ACAP2: variants seen among roughly 807,000 people sequenced by gnomAD.
ACAP2 encodes the protein ArfGAP with coiled-coil, ankyrin repeat and PH domains 2.
A neutral mutation model predicts 115.8 loss-of-function variants in ACAP2; 39 were observed. That is an observed-to-expected ratio of 0.34 (90% CI 0.26 to 0.44). ACAP2 has a LOEUF of 0.44. Ranked by LOEUF, ACAP2 falls within the 20% of genes least tolerant of loss-of-function variation. The pLI is 1.00. For synonymous variants in ACAP2, 289 were observed against 315.8 expected (o/e 0.92, Z 0.90); for missense variants, 662 against 927.6 (o/e 0.71, Z 3.72).
At chr3:195,289,289 C>T (rs1727077945) in intron 20 of ACAP2, 58 bp from the exon 21 acceptor site, 2 of 1,204,156 alleles carry the variant, frequency 1.7e-6, no homozygotes, top group Non-Finnish European at 2.4e-6. Context: ...AATTAGTATT[C>T]ACCTTAAAAA....
At chr3:195,385,511 C>T (rs1367991413) in intron 2 of ACAP2, among the ~76,000 whole-genome samples, 1 of 151,496 alleles carries the variant, frequency 6.6e-6, no homozygotes, top group Non-Finnish European at 1.5e-5. Flanking sequence ...AAAAGGGATA[C>T]TTTTATTATT....
chr3:195,404,302 T>G (rs562563602), intron 1 of ACAP2, among the ~76,000 whole-genome samples: 8 of 152,186 alleles, frequency 5.3e-5, no homozygotes, highest in Non-Finnish European at 1.0e-4. Context: ...AGAATTAACA[T>G]CAGGTTTAAG....
In ACAP2 at chr3:195,443,011, GACTAGT is replaced by G. The variant is rs1716145701; in HGVS notation, c.-170_-165del. ...TCATAGCAGCCGCGAAGACGGCGACGACTAGTCAGGCCCCAGTCCCGCCCCTCTTCC... is the reference window on the plus strand; with the variant it reads ...TCATAGCAGCCGCGAAGACGGCGACGCAGGCCCCAGTCCCGCCCCTCTTCC... On this transcript the variant is annotated 5_prime_UTR_variant, in exon 1 of 23. Transcript: ENST00000326793. 2 of 553,070 alleles carry G rather than the reference GACTAGT, an allele frequency of 3.6e-6. No individual in the cohort carries two copies. The highest frequency in any genetic ancestry group is 8.6e-5 in the Admixed American group (2 of 23,326). The allele number at this position is 553,070 out of a possible 1,614,324, so 34.3% of individuals were successfully genotyped here.
intron 15 of ACAP2, among the ~76,000 whole-genome samples, chr3:195,298,039 T>G (rs779464593): frequency 6.6e-6 from 1 of 152,160 alleles, no homozygotes; most frequent in Non-Finnish European, 1.5e-5. Context: ...TGAAAAATCA[T>G]ACGTAGGTAA....
chr3:195,302,055 G>T lies in ACAP2; in HGVS notation c.1236C>A (p.Ala412=). 1 of 1,614,140 alleles carries T rather than the reference G, an allele frequency of 6.2e-7. No individual in the cohort carries two copies. The highest frequency in any genetic ancestry group is 8.5e-7 in the Non-Finnish European group (1 of 1,180,030). Reference sequence around the variant, plus strand: ...CTGCCAGGCCACAGTCACAACAGCTGGCATTGCCAGGGATACACTGGACCC... The same window carrying T: ...CTGCCAGGCCACAGTCACAACAGCTTGCATTGCCAGGGATACACTGGACCC... ...LQRVQCIPGN[A]SCCDCGLADP... The change falls in exon 14 of 23, where the codon GCC becomes GCA. Residue 412 remains alanine, a synonymous_variant. Transcript: ENST00000326793.
In ACAP2 at chr3:195,302,201, TTA is replaced by T. The variant is rs1491118963; in HGVS notation, c.1117-29_1117-28del. On this transcript the variant is annotated intron_variant, in intron 13 of 22. Coordinates refer to ENST00000326793, the MANE Select transcript of ACAP2 (RefSeq NM_012287.6). Reference sequence around the variant, plus strand: ...TAAAAGAATTAAGAATTACTTGTTTTTAAAAAAAAAAAAGATTGAAATACTTT... The same window carrying T: ...TAAAAGAATTAAGAATTACTTGTTTTAAAAAAAAAAAGATTGAAATACTTT... The T allele has an allele frequency of 8.8e-5, 138 of 1,572,042 alleles. No homozygotes were observed. The African/African-American group carries it at 1.6e-3, about 18-fold the overall frequency.
chr3:195,415,363 G>T (rs1335735984), intron 1 of ACAP2, among the ~76,000 whole-genome samples: 1 of 146,654 alleles, frequency 6.8e-6, no homozygotes, highest in African/African-American at 2.5e-5. Context: ...TGCAACCTCC[G>T]CCTCCCACGT....
intron 18 of ACAP2, 107 bp downstream of exon 18, chr3:195,294,607 AATTAT>A (rs1207220155): frequency 0.19 from 10,994 of 57,800 alleles, 594 homozygotes; most frequent in Non-Finnish European, 0.26. Context: ...AAAAAAAAAA[AATTAT>A]ATATATATAT....
At chr3:195,423,622 C>CAAAAAA (rs59649323) in intron 1 of ACAP2, among the ~76,000 whole-genome samples, 6 of 92,652 alleles carry the variant, frequency 6.5e-5, no homozygotes, top group Non-Finnish European at 1.3e-4. Context: ...GACTCCGTCT[C>CAAAAAA]AAAAAAAAAA....
intron 6 of ACAP2, among the ~76,000 whole-genome samples, chr3:195,338,075 T>A (rs1057050164): frequency 1.2e-4 from 19 of 152,116 alleles, no homozygotes; most frequent in Non-Finnish European, 2.8e-4. Flanking sequence ...TCAAATACCA[T>A]CTCCTCACAA....
intron 2 of ACAP2, among the ~76,000 whole-genome samples, chr3:195,383,491 T>A (rs981646694): frequency 3.9e-5 from 6 of 151,924 alleles, no homozygotes; most frequent in Admixed American, 3.9e-4. Context: ...AGAAATTAAA[T>A]TGTATTACAG....
At chr3:195,348,541 G>A (rs561206155) in intron 4 of ACAP2, among the ~76,000 whole-genome samples, 1 of 152,180 alleles carries the variant, frequency 6.6e-6, no homozygotes, top group Non-Finnish European at 1.5e-5. Context: ...AGAAAGCTAC[G>A]AAGCAGTATC....
At chr3:195,367,784 A>G (rs1732830879) in intron 4 of ACAP2, among the ~76,000 whole-genome samples, 1 of 152,186 alleles carries the variant, frequency 6.6e-6, no homozygotes, top group Admixed American at 6.5e-5. Flanking sequence ...CTAGAAGATG[A>G]GAGACTCCAA....
At chr3:195,287,998 G>A (rs1352955328) in intron 21 of ACAP2, among the ~76,000 whole-genome samples, 1 of 152,104 alleles carries the variant, frequency 6.6e-6, no homozygotes, top group Non-Finnish European at 1.5e-5. Flanking sequence ...CTACTCAGGA[G>A]GCTGAGGAGG....
chr3:195,313,005 G>C (rs1290103461), intron 10 of ACAP2: 1 of 152,146 alleles, frequency 6.6e-6, no homozygotes, highest in Non-Finnish European at 1.5e-5. Context: ...TAAAACATAA[G>C]GGAAAGGTGG....
intron 1 of ACAP2, chr3:195,410,927 T>G (rs1713207679): frequency 6.2e-6 from 2 of 321,018 alleles, no homozygotes; most frequent in Non-Finnish European, 1.2e-5. Flanking sequence ...ATCAACAAGG[T>G]GCCATCTTGA....
intron 22 of ACAP2, among the ~76,000 whole-genome samples, chr3:195,280,386 C>G (rs1236745079): frequency 6.6e-6 from 1 of 152,088 alleles, no homozygotes; most frequent in East Asian, 1.9e-4. Flanking sequence ...GCAGGAGAAT[C>G]GCTTGAACCC....
intron 10 of ACAP2, among the ~76,000 whole-genome samples, chr3:195,311,664 G>C (rs1343032941): frequency 6.9e-5 from 10 of 145,650 alleles, no homozygotes. Flanking sequence ...AGTCTCCTGA[G>C]TAGCTGGGAT....
At chr3:195,372,923 G>C (rs1733256031) in intron 4 of ACAP2, among the ~76,000 whole-genome samples, 2 of 141,156 alleles carry the variant, frequency 1.4e-5, no homozygotes. Context: ...GGGAGGCGGA[G>C]CTTGCAGTGA....
Sources: allele counts gnomAD v4.1 joint callset (sites outside exome capture counted in the v4.1 genomes callset), GRCh38; gene constraint gnomAD v4.1.1; transcripts MANE v1.5; gene names NCBI Gene and HGNC (gene_info 2026-07-23, HGNC 2026-07-21).